Variants in LITAF observed in about 807,000 individuals in gnomAD.
The protein encoded by LITAF is lipopolysaccharide-induced tumor necrosis factor-alpha factor.
LITAF carries 9 observed loss-of-function variants against 14.5 expected under a neutral mutation model. The ratio of observed to expected loss-of-function variants is 0.62; its 90% confidence interval spans 0.37 to 1.08. The LOEUF is 1.08. LITAF is among the 50% of genes least tolerant of loss of function. The probability of loss-of-function intolerance (pLI) is 0.01; values close to 1 mark genes in which losing one functional copy is unlikely to be tolerated. For missense variants in LITAF, 206 were observed against 213.4 expected (o/e 0.97, Z 0.22); for synonymous variants, 98 against 88.2 (o/e 1.11, Z -0.62).
rs932061888 is a variant in LITAF at position 11,605,193 on chromosome 16, C to T, written c.85+28340G>A. On this transcript the variant is annotated intron_variant, in intron 3 of 3. Transcript: ENST00000574848. The surrounding 1 kb of genome is among the most constrained non-coding windows in gnomAD (Gnocchi z 4.7). ...GGAGCCCAAGCTCTCAGCATCCCCCCAGCCAGCTCTGGATGGAGGATGAGC... is the reference window on the plus strand; with the variant it reads ...GGAGCCCAAGCTCTCAGCATCCCCCTAGCCAGCTCTGGATGGAGGATGAGC... Among the ~76,000 whole-genome samples, 1 of 152,206 alleles carries T rather than the reference C, an allele frequency of 6.6e-6. No homozygotes were observed. The highest frequency in any genetic ancestry group is 1.5e-5 in the Non-Finnish European group (1 of 68,032).
chr16:11,583,113 T>C (rs1325770691), intron 1 of LITAF, among the ~76,000 whole-genome samples: 2 of 152,158 alleles, frequency 1.3e-5, no homozygotes, highest in Admixed American at 6.5e-5. Context: ...CCCAAACAAA[T>C]TCCAGTTTCA....
chr16:11,605,319 G>T lies in LITAF; in HGVS notation c.85+28214C>A, dbSNP rs1011453645. On this transcript the variant is annotated intron_variant, in intron 3 of 3. Transcript: ENST00000574848. The surrounding 1 kb of genome is among the most constrained non-coding windows in gnomAD (Gnocchi z 4.7). ...TATTCAATGGGGGGATGCCACGCAG[G>T]TCTGGCTATGTCTTCAGAAACCCCC... 2.6e-5 allele frequency among the ~76,000 whole-genome samples: 4 copies of T among 152,152 alleles called. No individual in the cohort carries two copies. The highest frequency in any genetic ancestry group is 4.1e-4 in the South Asian group (2 of 4,830).
chr16:11,639,259 G>A (rs929371483), upstream of LITAF, among the ~76,000 whole-genome samples: 4 of 151,650 alleles, frequency 2.6e-5, no homozygotes, highest in African/African-American at 9.7e-5. Flanking sequence ...TTAGAGGGAG[G>A]AATGGATGGA....
At chr16:11,565,085 T>C (rs1362604118) in intron 1 of LITAF, among the ~76,000 whole-genome samples, 2 of 93,000 alleles carry the variant, frequency 2.2e-5, no homozygotes, top group African/African-American at 1.1e-4. Flanking sequence ...CACTGAATTA[T>C]CTTTTTTTTT....
chr16:11,621,785 T>G (rs1029631186), intron 3 of LITAF, among the ~76,000 whole-genome samples: 2 of 152,086 alleles, frequency 1.3e-5, no homozygotes, highest in African/African-American at 4.8e-5. Context: ...CAACTGCTTG[T>G]GCTTCCTGAG....
At chr16:11,604,423 T>C (rs964965040) in intron 3 of LITAF, among the ~76,000 whole-genome samples, 1 of 152,156 alleles carries the variant, frequency 6.6e-6, no homozygotes, top group South Asian at 2.1e-4. Context: ...ATTGTTTAGA[T>C]AGCAAAGGGA....
chr16:11,616,716 G>C (rs1567264873), intron 3 of LITAF, among the ~76,000 whole-genome samples: 1 of 151,910 alleles, frequency 6.6e-6, no homozygotes, highest in Non-Finnish European at 1.5e-5. Flanking sequence ...AAGATGCCCG[G>C]AGTGGGCAAC....
intron 3 of LITAF, among the ~76,000 whole-genome samples, chr16:11,613,027 T>C (rs1015818535): frequency 4.0e-5 from 6 of 151,690 alleles, no homozygotes; most frequent in Non-Finnish European, 5.9e-5. Flanking sequence ...TTTCTTTGGA[T>C]TTTTTTTTAT....
chr16:11,622,942 T>C (rs535296179), intron 3 of LITAF, among the ~76,000 whole-genome samples: 2 of 55,886 alleles, frequency 3.6e-5, no homozygotes, highest in African/African-American at 1.5e-4. Context: ...TAGTTTCATA[T>C]AATGAATATA....
chr16:11,551,774 G>T lies in LITAF; in HGVS notation c.377+1759C>A, dbSNP rs1255842835. The T allele has an allele frequency of 5.8e-6, 4 of 685,128 alleles. No homozygotes were observed. The East Asian group carries it at 1.1e-4, about 19-fold the overall frequency. The allele number at this position is 685,128 out of a possible 1,614,324, so 42.4% of individuals were successfully genotyped here. A position where few individuals can be genotyped will look rare whatever the true frequency, so the allele number is the denominator to read the frequency against. ...AGGAGCCCAGGAGATCAAAGCTGCG[G>T]AGAGCTACGATCGTACCACTGCACT... On this transcript the variant is annotated intron_variant, in intron 3 of 3. Transcript: ENST00000622633.
chr16:11,607,103 C>T (rs1460812929), intron 3 of LITAF, among the ~76,000 whole-genome samples: 1 of 152,214 alleles, frequency 6.6e-6, no homozygotes, highest in East Asian at 1.9e-4. Context: ...GCTCCAGAGC[C>T]CCAGCTTCCA....
upstream of LITAF, among the ~76,000 whole-genome samples, chr16:11,636,988 G>A (rs1461195999): frequency 1.3e-5 from 2 of 151,894 alleles, no homozygotes. Flanking sequence ...TCCTGCCTCA[G>A]CCTCCTGGGT....
In LITAF at chr16:11,632,881, C is replaced by A. The variant is rs543619910; in HGVS notation, c.85+652G>T. ...CAGGAATTTCCACAGAGGCCCACCC[C>A]ACTCTGAGCCTCCTAGTGAAGGAAA... On this transcript the variant is annotated intron_variant, in intron 3 of 3. Coordinates refer to the LITAF transcript ENST00000574848. This position sits in a 1 kb window ranked among gnomAD's most constrained non-coding sequence, Gnocchi z 4.8. Among the ~76,000 whole-genome samples, 1 of 152,196 alleles carries A rather than the reference C, an allele frequency of 6.6e-6. No individual in the cohort carries two copies. The highest frequency in any genetic ancestry group is 1.5e-5 in the Non-Finnish European group (1 of 68,018).
At chr16:11,579,669 C>T (rs1308384937) in intron 1 of LITAF, among the ~76,000 whole-genome samples, 1 of 152,122 alleles carries the variant, frequency 6.6e-6, no homozygotes, top group African/African-American at 2.4e-5. Context: ...GTTTGACAAA[C>T]ATACTGTGTG....
At chr16:11,574,265 C>T (rs1163884735) in intron 1 of LITAF, among the ~76,000 whole-genome samples, 2 of 152,176 alleles carry the variant, frequency 1.3e-5, no homozygotes, top group East Asian at 3.9e-4. Flanking sequence ...TTGTCTCAAA[C>T]TCCTGGGCTA....
chr16:11,576,818 A>G (rs1486489863), intron 1 of LITAF, among the ~76,000 whole-genome samples: 2 of 152,222 alleles, frequency 1.3e-5, no homozygotes, highest in Non-Finnish European at 2.9e-5. Context: ...ATCTGCTTTG[A>G]TGATAAATAT....
chr16:11,611,226 C>T (rs942648611), intron 3 of LITAF, among the ~76,000 whole-genome samples: 14 of 152,006 alleles, frequency 9.2e-5, no homozygotes, highest in Non-Finnish European at 1.6e-4. Flanking sequence ...GCCTGTAGTC[C>T]CAGCAACTCG....
chr16:11,553,839 A>G lies in LITAF; in HGVS notation c.221-150T>C, dbSNP rs1171216387. 5 of 852,436 alleles carry G rather than the reference A, an allele frequency of 5.9e-6. No individual in the cohort carries two copies. The highest frequency in any genetic ancestry group is 2.7e-5 in the East Asian group (1 of 37,016). The allele number at this position is 852,436 out of a possible 1,614,324, so 52.8% of individuals were successfully genotyped here. A position where few individuals can be genotyped will look rare whatever the true frequency, so the allele number is the denominator to read the frequency against. On this transcript the variant is annotated intron_variant, in intron 2 of 3. Coordinates refer to ENST00000622633, the MANE Select transcript of LITAF (RefSeq NM_001136472.2). The surrounding 1 kb of genome is among the most constrained non-coding windows in gnomAD (Gnocchi z 7.7). ...GCATGCGTTCATCGTCTGGCTATCT[A>G]TGAGAGCCAAAAGGGGAAGGAACAC...
At chr16:11,592,071 C>G (rs8054395), upstream of LITAF, among the ~76,000 whole-genome samples, 2 of 152,028 alleles carry the variant, frequency 1.3e-5, no homozygotes, top group Non-Finnish European at 2.9e-5. Flanking sequence ...AACAAATGCA[C>G]AAGCAATAAA....
Sources: gnomAD v4.1 joint callset for allele counts (sites outside exome capture counted in the v4.1 genomes callset) on GRCh38, gnomAD v4.1.1 for gene constraint, Gnocchi (gnomAD v3.1) non-coding constraint, MANE v1.5 for transcripts, NCBI Gene and HGNC (gene_info 2026-07-23, HGNC 2026-07-21) for gene names.